Variants in EIF2B3 observed in about 807,000 individuals in gnomAD.
EIF2B3 encodes translation initiation factor eIF2B subunit gamma.
EIF2B3 carries 20 observed loss-of-function variants against 54.1 expected under a neutral mutation model. The observed-to-expected ratio is 0.37, with a 90% CI of 0.26 to 0.54. The LOEUF (loss-of-function observed/expected upper bound fraction) is 0.54, where lower values mean the gene tolerates loss of function less well. Among genes scored for constraint, EIF2B3 ranks in the 20% least tolerant of loss-of-function variants. EIF2B3 has a pLI of 0.86. For synonymous variants in EIF2B3, 153 were observed against 188.1 expected, an observed-to-expected ratio of 0.81 and a Z score of 1.52; for missense variants, 448 against 547.8, an observed-to-expected ratio of 0.82 and a Z score of 1.82.
At chr1:44,874,629 G>A (rs1427626968) in intron 10 of EIF2B3, 49 bp downstream of exon 10, 1 of 1,596,030 alleles carries the variant, frequency 6.3e-7, no homozygotes, top group Non-Finnish European at 8.6e-7. Flanking sequence ...GAATTTTGAA[G>A]GCATTTTTCC....
intron 4 of EIF2B3, among the ~76,000 whole-genome samples, chr1:44,927,727 G>A (rs1643867136): frequency 6.6e-6 from 1 of 152,056 alleles, no homozygotes; most frequent in Non-Finnish European, 1.5e-5. Flanking sequence ...TATCATTTTT[G>A]GAGGAGAGGG....
intron 10 of EIF2B3, among the ~76,000 whole-genome samples, chr1:44,871,827 T>C (rs1431486909): frequency 6.6e-6 from 1 of 151,504 alleles, no homozygotes; most frequent in Non-Finnish European, 1.5e-5. Flanking sequence ...AAGATCAAAA[T>C]AGGGAGATGT....
intron 4 of EIF2B3, among the ~76,000 whole-genome samples, chr1:44,935,112 T>C (rs556058274): frequency 5.9e-5 from 9 of 152,362 alleles, no homozygotes; most frequent in Middle Eastern, 3.4e-3. Flanking sequence ...TGGGAAATAC[T>C]ACAGTGAATT....
At chr1:44,947,300 A>C (rs1644113525) in intron 3 of EIF2B3, among the ~76,000 whole-genome samples, 1 of 152,178 alleles carries the variant, frequency 6.6e-6, no homozygotes, top group Non-Finnish European at 1.5e-5. Flanking sequence ...TGTCCAAAAC[A>C]CCCAGGAATT....
intron 4 of EIF2B3, among the ~76,000 whole-genome samples, chr1:44,932,093 C>T (rs1200898472): frequency 6.6e-6 from 1 of 151,944 alleles, no homozygotes; most frequent in Non-Finnish European, 1.5e-5. Flanking sequence ...GCCTGGACAA[C>T]AGAGAGAGAC....
rs189087755 is a variant in EIF2B3 at position 44,864,548 on chromosome 1, C to T, written c.1203-6741G>A. 7.2e-5 allele frequency among the ~76,000 whole-genome samples: 11 copies of T among 152,140 alleles called. No homozygotes were observed. In the East Asian group the frequency reaches 1.2e-3, roughly 16 times the overall value. The stretch of plus-strand genomic sequence containing the variant: ...CTGCACTCCAGCCTGGGTGACACAG[C>T]GAGACTCTGCCTCCAAAAAGAATTC... On this transcript the variant is annotated intron_variant, in intron 10 of 11. Transcript: ENST00000360403.
chr1:44,978,616 A>ATTCCCCCAAT (rs1387008520), intron 2 of EIF2B3, among the ~76,000 whole-genome samples, 156 bp from the exon 3 acceptor site: 1 of 134,808 alleles, frequency 7.4e-6, no homozygotes, highest in African/African-American at 3.0e-5. Context: ...TTCCCCCAAT[A>ATTCCCCCAAT]AATTCTTTTT....
At chr1:44,972,761 G>A (rs1167685110) in intron 3 of EIF2B3, among the ~76,000 whole-genome samples, 2 of 151,912 alleles carry the variant, frequency 1.3e-5, no homozygotes, top group Admixed American at 6.6e-5. Flanking sequence ...TTCACCTCTC[G>A]AGCACAAGCA....
intron 5 of EIF2B3, among the ~76,000 whole-genome samples, chr1:44,915,678 C>A (rs1643607047): frequency 6.6e-6 from 1 of 151,852 alleles, no homozygotes; most frequent in African/African-American, 2.4e-5. Context: ...TTCTTATTAC[C>A]CAGGAATAAC....
At chr1:44,942,629 T>C (rs1480487628) in intron 3 of EIF2B3, among the ~76,000 whole-genome samples, 1 of 148,716 alleles carries the variant, frequency 6.7e-6, no homozygotes, top group East Asian at 2.0e-4. Context: ...TGTCTCCCTA[T>C]GTTGCCTAGG....
At chr1:44,949,461 A>C (rs1422332106) in intron 3 of EIF2B3, among the ~76,000 whole-genome samples, 1 of 152,212 alleles carries the variant, frequency 6.6e-6, no homozygotes, top group Non-Finnish European at 1.5e-5. Context: ...CGCATGAGTA[A>C]ATGTTAGTAC....
In EIF2B3 at chr1:44,897,427, A is replaced by G; in HGVS notation, c.584T>C (p.Phe195Ser). The G allele has an allele frequency of 6.2e-7, 1 of 1,612,966 alleles. No homozygotes were observed. The highest frequency in any genetic ancestry group is 1.1e-5 in the South Asian group (1 of 90,954). ...SILQKHPRIR[F>S]HTGLVDAHLY... Reference sequence around the variant, plus strand: ...GTGGGCATCCACAAGACCCGTGTGGAAACGTATTCTAGGATGCCTGCAAAA... The same window carrying G: ...GTGGGCATCCACAAGACCCGTGTGGGAACGTATTCTAGGATGCCTGCAAAA... The change falls in exon 6 of 12, where the codon TTC (phenylalanine) becomes TCC (serine). Residue 195 changes from phenylalanine to serine, a missense_variant. Phe to Ser is a radical substitution (Grantham distance 155). Coordinates refer to ENST00000360403, the MANE Select transcript of EIF2B3 (RefSeq NM_020365.5).
intron 10 of EIF2B3, 45 bp downstream of exon 10, chr1:44,874,633 T>C (rs767448267): frequency 1.3e-6 from 2 of 1,599,832 alleles, no homozygotes; most frequent in East Asian, 4.5e-5. Context: ...TTTGAAGGCA[T>C]TTTTCCATTA....
chr1:44,951,122 T>C (rs1418060315), intron 3 of EIF2B3, among the ~76,000 whole-genome samples: 1 of 152,200 alleles, frequency 6.6e-6, no homozygotes, highest in Non-Finnish European at 1.5e-5. Flanking sequence ...TTTTTTCTCC[T>C]TCTCGCCTTA....
At chr1:44,958,557 A>G in intron 3 of EIF2B3, 1 of 1,407,544 alleles carries the variant, frequency 7.1e-7, no homozygotes, top group Non-Finnish European at 9.9e-7. Flanking sequence ...CTATCCTATT[A>G]TGTCTTTGTG....
In EIF2B3 at chr1:44,899,595, A is replaced by G. The variant is rs182312082; in HGVS notation, c.567-2151T>C. Among the ~76,000 whole-genome samples the G allele has an allele frequency of 8.5e-5, 13 of 152,360 alleles. No individual in the cohort carries two copies. In the East Asian group the frequency reaches 2.3e-3, roughly 27 times the overall value. Reference sequence around the variant, plus strand: ...GAAATGCTCAATATCACTAATCATCAGAGAAATATGAATCAAAGCCACAAT... The same window carrying G: ...GAAATGCTCAATATCACTAATCATCGGAGAAATATGAATCAAAGCCACAAT... On this transcript the variant is annotated intron_variant, in intron 5 of 11. Transcript: ENST00000360403.
At chr1:44,857,995 C>T (rs1313449987) in intron 10 of EIF2B3, among the ~76,000 whole-genome samples, 188 bp from the exon 11 acceptor site, 1 of 151,750 alleles carries the variant, frequency 6.6e-6, no homozygotes, top group Non-Finnish European at 1.5e-5. Context: ...TCAGAGAAAT[C>T]CAGATTTGGG....
Position 44,857,686 on chromosome 1 carries a change from G to T in EIF2B3, c.1306+18C>A, listed in dbSNP as rs1654481257. On this transcript the variant is annotated intron_variant, in intron 11 of 11. Transcript: ENST00000360403. Reference sequence around the variant, plus strand: ...TGTGAGAAGTAAAAATGGAATCTGTGATTGTAATCTGGTTTACCTTTGGCT... The same window carrying T: ...TGTGAGAAGTAAAAATGGAATCTGTTATTGTAATCTGGTTTACCTTTGGCT... 4.3e-6 allele frequency: 7 copies of T among 1,611,434 alleles called. No individual in the cohort carries two copies. The highest frequency in any genetic ancestry group is 1.3e-5 in the African/African-American group (1 of 74,994).
intron 5 of EIF2B3, among the ~76,000 whole-genome samples, chr1:44,911,821 A>G (rs1643522016): frequency 6.6e-6 from 1 of 151,042 alleles, no homozygotes; most frequent in Admixed American, 6.6e-5. Flanking sequence ...CTCGTCATCT[A>G]GCATTAGGTA....
Sources: allele counts gnomAD v4.1 joint callset (sites outside exome capture counted in the v4.1 genomes callset), GRCh38; gene constraint gnomAD v4.1.1; transcripts MANE v1.5; gene names NCBI Gene and HGNC (gene_info 2026-07-23, HGNC 2026-07-21).